The following CDH9 variants were observed in gnomAD, a reference collection of about 807,000 sequenced individuals.
CDH9 encodes cadherin-9.
In CDH9, 28 loss-of-function variants were observed where a neutral mutation model predicts 70.9. That is an observed-to-expected ratio of 0.40 (90% CI 0.29 to 0.54). CDH9 has a LOEUF of 0.54. Among genes scored for constraint, CDH9 ranks in the 20% least tolerant of loss-of-function variants. The pLI, the probability that CDH9 is intolerant of heterozygous loss-of-function variation, is 0.59. For synonymous variants in CDH9, 409 were observed against 343.1 expected, an observed-to-expected ratio of 1.19 and a Z score of -2.12; for missense variants, 874 against 984.4, an observed-to-expected ratio of 0.89 and a Z score of 1.50.
At chr5:27,012,293 T>C (rs113195205) in intron 1 of CDH9, among the ~76,000 whole-genome samples, 2 of 151,990 alleles carry the variant, frequency 1.3e-5, no homozygotes, top group Non-Finnish European at 2.9e-5. Context: ...ATTATTATTT[T>C]TTAATATTTT....
chr5:26,920,007 G>A (rs1290522127), intron 2 of CDH9, among the ~76,000 whole-genome samples: 1 of 152,118 alleles, frequency 6.6e-6, no homozygotes, highest in African/African-American at 2.4e-5. Flanking sequence ...CTTGAGGGAA[G>A]CAGAGGGACT....
intron 2 of CDH9, among the ~76,000 whole-genome samples, chr5:26,920,658 G>A (rs1741228368): frequency 6.6e-6 from 1 of 152,092 alleles, no homozygotes; most frequent in South Asian, 2.1e-4. Flanking sequence ...GACTCTGTTT[G>A]CTTGAAGAAA....
In CDH9 at chr5:26,881,304, C is replaced by T. The variant is rs145815030; in HGVS notation, c.2202G>A (p.Ser734=). 3.1e-6 allele frequency: 5 copies of T among 1,612,690 alleles called. No homozygotes were observed. In the African/African-American group the frequency reaches 4.0e-5, roughly 13 times the overall value. Residue 734 remains serine, a synonymous_variant, in exon 12 of 12, where the codon TCG becomes TCA. Coordinates refer to ENST00000231021, the MANE Select transcript of CDH9 (RefSeq NM_016279.4). ...DADPSAPPYD[S]LATYAYEGND... ...TCCCTTCATAGGCATACGTTGCCAG[C>T]GAATCATATGGAGGTGCACTTGGGT...
intron 1 of CDH9, among the ~76,000 whole-genome samples, chr5:27,016,666 T>A (rs951064048): frequency 6.6e-5 from 10 of 151,848 alleles, no homozygotes; most frequent in Non-Finnish European, 1.0e-4. Flanking sequence ...AAAACCGATA[T>A]GCAAATTATC....
At chr5:26,973,127 G>C (rs2115311) in intron 2 of CDH9, among the ~76,000 whole-genome samples, 50,953 of 151,986 alleles carry the variant, frequency 0.34, 9,890 homozygotes, top group Non-Finnish European at 0.43. Context: ...CTCCCAAAGT[G>C]CTGGTAATAC....
At chr5:26,977,002 C>G (rs758846267) in intron 2 of CDH9, among the ~76,000 whole-genome samples, 1 of 151,692 alleles carries the variant, frequency 6.6e-6, no homozygotes, top group Non-Finnish European at 1.5e-5. Context: ...ACTCTAAGAA[C>G]AAGGAAATAG....
rs533439531 is a variant in CDH9 at position 27,037,486 on chromosome 5, TA to T, written c.-50+976del. Among the ~76,000 whole-genome samples, 111 of 152,070 alleles carry T rather than the reference TA, an allele frequency of 7.3e-4. 1 individual carries two copies. In the South Asian group the frequency reaches 0.023, roughly 31 times the overall value. ...TTCTTTTTATTACACCTTTGTTATTTAAAACAGATTATGAGAATTTCACCCT... is the reference window on the plus strand; with the variant it reads ...TTCTTTTTATTACACCTTTGTTATTTAAACAGATTATGAGAATTTCACCCT... On this transcript the variant is annotated intron_variant, in intron 1 of 11. Transcript: ENST00000231021.
chr5:26,982,549 G>A (rs985203617), intron 2 of CDH9, among the ~76,000 whole-genome samples: 9 of 152,256 alleles, frequency 5.9e-5, no homozygotes, highest in African/African-American at 2.2e-4. Flanking sequence ...TTAATTTTGA[G>A]TAAACCTATA....
At chr5:26,904,636 C>A (rs1740914200) in intron 5 of CDH9, among the ~76,000 whole-genome samples, 1 of 151,976 alleles carries the variant, frequency 6.6e-6, no homozygotes, top group Non-Finnish European at 1.5e-5. Context: ...AAAACTAATT[C>A]TTTCTGACTT....
intron 1 of CDH9, among the ~76,000 whole-genome samples, chr5:27,029,068 C>A (rs910709721): frequency 6.6e-6 from 1 of 152,014 alleles, no homozygotes; most frequent in Non-Finnish European, 1.5e-5. Context: ...AAGGTTATAT[C>A]TCACTCAATT....
chr5:26,888,283 A>G (rs1579662922), intron 9 of CDH9, among the ~76,000 whole-genome samples: 1 of 152,300 alleles, frequency 6.6e-6, no homozygotes, highest in East Asian at 1.9e-4. Flanking sequence ...TAATATTTAT[A>G]GATACAATTT....
chr5:26,965,962 C>T (rs1358268372), intron 2 of CDH9, among the ~76,000 whole-genome samples: 1 of 152,080 alleles, frequency 6.6e-6, no homozygotes, highest in Admixed American at 6.6e-5. Flanking sequence ...TTTTGATGAA[C>T]TTATGTTATA....
intron 1 of CDH9, among the ~76,000 whole-genome samples, chr5:27,003,595 G>GAAAAC (rs1375107371): frequency 8.8e-4 from 134 of 152,018 alleles, no homozygotes; most frequent in African/African-American, 3.1e-3. Context: ...TGAGCTCAGT[G>GAAAAC]AAAACAAAAC....
intron 2 of CDH9, among the ~76,000 whole-genome samples, chr5:26,980,210 T>C (rs940422050): frequency 3.3e-5 from 5 of 151,908 alleles, no homozygotes; most frequent in African/African-American, 1.2e-4. Context: ...TTTCACAAAA[T>C]AGTCATGTAC....
At chr5:26,984,710 G>A (rs1042859116) in intron 2 of CDH9, among the ~76,000 whole-genome samples, 4 of 152,016 alleles carry the variant, frequency 2.6e-5, no homozygotes, top group African/African-American at 9.7e-5. Flanking sequence ...AGTCACAAGT[G>A]TCTCTTCAAG....
chr5:26,993,305 A>G (rs772371333), intron 1 of CDH9, among the ~76,000 whole-genome samples: 19 of 152,272 alleles, frequency 1.2e-4, no homozygotes, highest in East Asian at 3.9e-4. Context: ...AGAATGTAGA[A>G]TTTGGGAGCA....
At chr5:26,884,841 T>C (rs138727382) in intron 11 of CDH9, among the ~76,000 whole-genome samples, 14 of 152,318 alleles carry the variant, frequency 9.2e-5, no homozygotes, top group African/African-American at 3.1e-4. Flanking sequence ...GTGGAACAAC[T>C]GTTTAATTGA....
chr5:26,995,884 G>C (rs1742656433), intron 1 of CDH9, among the ~76,000 whole-genome samples: 1 of 151,962 alleles, frequency 6.6e-6, no homozygotes, highest in African/African-American at 2.4e-5. Flanking sequence ...TGTAATCAGG[G>C]AACTCACTCA....
rs149191564 is a variant in CDH9 at position 26,942,451 on chromosome 5, C to T, written c.229-26527G>A. 1.2e-3 allele frequency among the ~76,000 whole-genome samples: 187 copies of T among 152,234 alleles called. 1 individual carries two copies. In the East Asian group the frequency reaches 0.013, roughly 10 times the overall value. On this transcript the variant is annotated intron_variant, in intron 2 of 11. Coordinates refer to ENST00000231021, the MANE Select transcript of CDH9 (RefSeq NM_016279.4). ...CCCTCATGATTTAATCCCCTCTTAA[C>T]GGCCCCACATTTCAGTAATGCCACA...
Sources: allele counts gnomAD v4.1 joint callset (sites outside exome capture counted in the v4.1 genomes callset), GRCh38; gene constraint gnomAD v4.1.1; transcripts MANE v1.5; gene names NCBI Gene and HGNC (gene_info 2026-07-23, HGNC 2026-07-21).